Variants in HYI observed in about 807,000 individuals in gnomAD.
The protein encoded by HYI is putative hydroxypyruvate isomerase.
Under a neutral mutation model 39.7 loss-of-function variants are expected in HYI, and 47 were observed. The observed-to-expected ratio is 1.18, with a 90% CI of 0.94 to 1.51. The LOEUF is 1.51. HYI is among the 40% of genes most tolerant of loss of function. HYI has a pLI of 0.00. For synonymous variants in HYI, 186 were observed against 158.8 expected, an observed-to-expected ratio of 1.17 and a Z score of -1.29; for missense variants, 465 against 370.3, an observed-to-expected ratio of 1.26 and a Z score of -2.10.
Position 43,452,407 on chromosome 1 carries a change from G to A in HYI, c.312-88C>T, listed in dbSNP as rs74069991. The A allele has an allele frequency of 9.9e-3, 9,775 of 987,118 alleles. 628 individuals carry two copies. In the African/African-American group the frequency reaches 0.14, roughly 14 times the overall value. 61.1% of individuals were successfully genotyped at this position (987,118 alleles called of 1,614,324 possible). ...TCCCTGACTGTGCCAGCCCTCGTCC[G>A]TCTCCCCAGGTCTCCAGTCCATGGC... On this transcript the variant is annotated intron_variant, in intron 2 of 7. Transcript: ENST00000372430.
downstream of HYI, chr1:43,450,666 C>T: frequency 1.1e-6 from 1 of 878,466 alleles, no homozygotes; most frequent in Non-Finnish European, 1.7e-6. This position sits in a 1 kb window ranked among gnomAD's most constrained non-coding sequence, Gnocchi z 4.3. Flanking sequence ...AACCGCCCTC[C>T]CCAAACACCC....
intron 5 of HYI, 33 bp downstream of exon 5, chr1:43,451,765 C>T: frequency 6.2e-7 from 1 of 1,614,010 alleles, no homozygotes; most frequent in Non-Finnish European, 8.5e-7. Flanking sequence ...CCCCGCCCTC[C>T]TTCCGATCTG....
At chr1:43,450,794 G>A (rs1656301275), downstream of HYI, 1 of 709,900 alleles carries the variant, frequency 1.4e-6, no homozygotes, top group Non-Finnish European at 2.6e-6. This position sits in a 1 kb window ranked among gnomAD's most constrained non-coding sequence, Gnocchi z 4.3. Flanking sequence ...CACACAGGGT[G>A]GCAAACACCC....
In HYI at chr1:43,451,674, T is replaced by C. The variant is rs751184895; in HGVS notation, c.599A>G (p.Asn200Ser). 9.9e-6 allele frequency: 16 copies of C among 1,614,026 alleles called. No homozygotes were observed. Among genetic ancestry groups the C allele is most frequent in the African/African-American group, 1.3e-5 (1 of 74,918 alleles). The change falls in exon 6 of 8, where the codon AAC becomes AGC. Residue 200 changes from asparagine to serine, a missense_variant. By Grantham distance (46) the Asn-to-Ser change is conservative. Coordinates refer to ENST00000372430, the MANE Select transcript of HYI (RefSeq NM_001190880.3). The stretch of plus-strand genomic sequence containing the variant: ...AACAATGGGCAGGAACTCCCGGATG[T>C]TTCCTGTCAGGTTCCCATCCATGAT... ...WQIMDGNLTG[N>S]IREFLPIVGH...
Position 43,453,732 on chromosome 1 carries a change from G to T in HYI, c.62C>A (p.Pro21His), listed in dbSNP as rs779525531. The change falls in exon 1 of 8, where the codon CCC becomes CAC. Residue 21 changes from proline to histidine, a missense_variant. By Grantham distance (77) the Pro-to-His change is moderately conservative. Coordinates refer to ENST00000372430, the MANE Select transcript of HYI (RefSeq NM_001190880.3). The part of the protein sequence containing the change: ...SWLFPELSGL[P>H]ARVRAAGSSG... ...GCTGCCCGCGGCCCGCACCCGCGCG[G>T]GGAGGCCGGAGAGCTCGGGGAATAG... is the stretch of plus-strand genomic sequence containing the variant. 1 of 1,387,518 alleles carries T rather than the reference G, an allele frequency of 7.2e-7. No homozygotes were observed. 86.0% of individuals were successfully genotyped at this position (1,387,518 alleles called of 1,614,324 possible).
At position 43,453,668 on chromosome 1, in the gene HYI, C is replaced by T; in HGVS notation, c.126G>A (p.Ala42=). The change falls in exon 1 of 8, where the codon GCG becomes GCA. Residue 42 remains alanine, a synonymous_variant. Coordinates refer to ENST00000372430, the MANE Select transcript of HYI (RefSeq NM_001190880.3). ...CGCGCGCCAGCGCCTCAGGCGTCTC[C>T]GCGTACGGCCAGGCCACCTCGACGG... ...FEAVEVAWPY[A]ETPEALARAA... is the part of the protein sequence containing the mutation. 8 of 1,481,184 alleles carry T rather than the reference C, an allele frequency of 5.4e-6. No homozygotes were observed. Among genetic ancestry groups the T allele is most frequent in the Non-Finnish European group, 6.2e-6 (7 of 1,124,160 alleles). 91.8% of individuals were successfully genotyped at this position (1,481,184 alleles called of 1,614,324 possible). A position where few individuals can be genotyped will look rare whatever the true frequency, so the allele number is the denominator to read the frequency against.
At chr1:43,453,283 G>C (rs1478277034) in intron 2 of HYI, 103 bp downstream of exon 2, 1 of 764,420 alleles carries the variant, frequency 1.3e-6, no homozygotes, top group Non-Finnish European at 2.1e-6. Context: ...AGATAAACCA[G>C]TGGGCTCAGA....
At position 43,453,871 on chromosome 1, in the gene HYI, C is replaced by T. The variant is rs1168606380; in HGVS notation, c.-78G>A. 61 of 1,218,396 alleles carry T rather than the reference C, an allele frequency of 5.0e-5. No homozygotes were observed. Among genetic ancestry groups the T allele is most frequent in the Non-Finnish European group, 5.8e-5 (57 of 982,240 alleles). The allele number at this position is 1,218,396 out of a possible 1,614,324, so 75.5% of individuals were successfully genotyped here. A position where few individuals can be genotyped will look rare whatever the true frequency, so the allele number is the denominator to read the frequency against. On this transcript the variant is annotated 5_prime_UTR_variant, in exon 1 of 8. Coordinates refer to ENST00000372430, the MANE Select transcript of HYI (RefSeq NM_001190880.3). ...GCGGGCGGCGGGCGGCGGGCGGGGG[C>T]GGGGCTCTCCTTGCTGGCCCTGCGA...
rs908289652 is a variant in HYI at position 43,452,105 on chromosome 1, G to C, written c.427-92C>G. On this transcript the variant is annotated intron_variant, in intron 3 of 7. Transcript: ENST00000372430. Reference sequence around the variant, plus strand: ...GGTCAAGGCCCTCACCTGTTCCTCTGACCTAGGCTGGCAGCCTCACGTGCT... The same window carrying C: ...GGTCAAGGCCCTCACCTGTTCCTCTCACCTAGGCTGGCAGCCTCACGTGCT... 11 of 1,509,310 alleles carry C rather than the reference G, an allele frequency of 7.3e-6. 1 individual carries two copies. The highest frequency in any genetic ancestry group is 1.8e-5 in the Admixed American group (1 of 56,382). The allele number at this position is 1,509,310 out of a possible 1,614,324, so 93.5% of individuals were successfully genotyped here.
Position 43,453,473 on chromosome 1 carries a change from C to T in HYI, c.224G>A (p.Gly75Glu). The T allele has an allele frequency of 6.4e-7, 1 of 1,560,694 alleles. No homozygotes were observed. The highest frequency in any genetic ancestry group is 8.7e-7 in the Non-Finnish European group (1 of 1,151,508). ...PPGDQEKGEM[G>E]LGAVPGRQAA... ...CTGTCTCCCGGGGACGGCCCCCAGCCCCATTTCCCCCTTCTCTTGGTCTCC... is the reference window on the plus strand; with the variant it reads ...CTGTCTCCCGGGGACGGCCCCCAGCTCCATTTCCCCCTTCTCTTGGTCTCC... The change falls in exon 2 of 8, where the codon GGG becomes GAG. Residue 75 changes from glycine (G) to glutamate (E), a missense_variant. By Grantham distance (98) the Gly-to-Glu change is moderately conservative. Coordinates refer to ENST00000372430, the MANE Select transcript of HYI (RefSeq NM_001190880.3).
Position 43,453,819 on chromosome 1 carries a change from G to T in HYI, c.-26C>A. ...GCCTGGGGAGGCCGGGCCGGGCGGA[G>T]TCCGCGGGATCCAAAGGCGGCGGGC... is the stretch of plus-strand genomic sequence containing the variant. On this transcript the variant is annotated 5_prime_UTR_variant, in exon 1 of 8. Coordinates refer to ENST00000372430, the MANE Select transcript of HYI (RefSeq NM_001190880.3). 3.2e-6 allele frequency: 4 copies of T among 1,241,334 alleles called. No homozygotes were observed. The highest frequency in any genetic ancestry group is 3.0e-6 in the Non-Finnish European group (3 of 995,258). The allele number at this position is 1,241,334 out of a possible 1,614,324, so 76.9% of individuals were successfully genotyped here. A position where few individuals can be genotyped will look rare whatever the true frequency, so the allele number is the denominator to read the frequency against.
chr1:43,452,043 G>A, intron 3 of HYI, 30 bp from the exon 4 acceptor site: 1 of 1,586,016 alleles, frequency 6.3e-7, no homozygotes, highest in Non-Finnish European at 8.6e-7. Context: ...TGTGAATAGA[G>A]CTCCTTCCCA....
intron 7 of HYI, 49 bp downstream of exon 7, chr1:43,451,361 C>G: frequency 1.9e-6 from 3 of 1,612,238 alleles, no homozygotes; most frequent in Non-Finnish European, 2.5e-6. Flanking sequence ...GAGAAAACAG[C>G]CCCTGTCCGG....
chr1:43,453,533 C>T (rs1298907041), intron 1 of HYI, 36 bp from the exon 2 acceptor site: 3 of 1,529,514 alleles, frequency 2.0e-6, no homozygotes, highest in Admixed American at 2.0e-5. Flanking sequence ...CCGGCTCGGA[C>T]ACTCCCCTGC....
intron 2 of HYI, chr1:43,453,181 A>G (rs903955724): frequency 1.5e-6 from 1 of 648,818 alleles, no homozygotes; most frequent in Non-Finnish European, 2.8e-6. Context: ...GGATCCCAGC[A>G]TGGGGTGAGC....
chr1:43,451,264 G>T lies in HYI; in HGVS notation c.808C>A (p.Arg270=). The T allele has an allele frequency of 6.2e-7, 1 of 1,614,038 alleles. No homozygotes were observed. Among genetic ancestry groups the T allele is most frequent in the Non-Finnish European group, 8.5e-7 (1 of 1,180,032 alleles). The change falls in exon 8 of 8, where the codon CGG becomes AGG. Residue 270 remains arginine, a synonymous_variant. Coordinates refer to ENST00000372430, the MANE Select transcript of HYI (RefSeq NM_001190880.3). ...LSWLRSYWDR[R]GHPEAGQ ...CACTGGCCAGCCTCTGGGTGGCCCCGCCTATCCCAGTATGAACGTAGCCAA... is the reference window on the plus strand; with the variant it reads ...CACTGGCCAGCCTCTGGGTGGCCCCTCCTATCCCAGTATGAACGTAGCCAA...
chr1:43,452,373 T>C (rs1656538058), intron 2 of HYI, 54 bp from the exon 3 acceptor site: 1 of 1,392,456 alleles, frequency 7.2e-7, no homozygotes. Flanking sequence ...TCTGCACCTC[T>C]TCCAGGATTC....
intron 2 of HYI, chr1:43,453,073 C>T (rs928130528): frequency 1.1e-6 from 1 of 923,764 alleles, no homozygotes; most frequent in African/African-American, 1.6e-5. Context: ...TAGGTGCCTA[C>T]CCTGCTCCCA....
rs1227516853 is a variant in HYI at position 43,453,248 on chromosome 1, C to G, written c.311+138G>C. On this transcript the variant is annotated intron_variant, in intron 2 of 7. Transcript: ENST00000372430. ...CAGATAAAATACAAAAGGCAATTTA[C>G]AAAGGACCAGGACCGCAGAGGCAGA... 4.5e-6 allele frequency: 3 copies of G among 660,948 alleles called. No individual in the cohort carries two copies. In the East Asian group the frequency reaches 8.2e-5, roughly 18 times the overall value. The allele number at this position is 660,948 out of a possible 1,614,324, so 40.9% of individuals were successfully genotyped here. A position where few individuals can be genotyped will look rare whatever the true frequency, so the allele number is the denominator to read the frequency against.
Sources: gnomAD v4.1 joint callset for allele counts on GRCh38, gnomAD v4.1.1 for gene constraint, Gnocchi (gnomAD v3.1) non-coding constraint, MANE v1.5 for transcripts, NCBI Gene and HGNC (gene_info 2026-07-23, HGNC 2026-07-21) for gene names.